Variants in PDXDC1 observed in about 807,000 individuals in gnomAD.
PDXDC1 encodes pyridoxal dependent decarboxylase domain containing 1.
In PDXDC1, 42 loss-of-function variants were observed where a neutral mutation model predicts 100.1. That is an observed-to-expected ratio of 0.42 (90% CI 0.33 to 0.54). The LOEUF (loss-of-function observed/expected upper bound fraction) is 0.54. PDXDC1 is among the 20% of genes least tolerant of loss of function. PDXDC1 has a pLI of 0.10. For missense variants in PDXDC1, 636 were observed against 979.2 expected, an observed-to-expected ratio of 0.65 and a Z score of 4.68; for synonymous variants, 260 against 371.7, an observed-to-expected ratio of 0.70 and a Z score of 3.46.
intron 16 of PDXDC1, chr16:15,061,553 A>G: frequency 2.1e-6 from 1 of 481,562 alleles, no homozygotes; most frequent in Non-Finnish European, 3.7e-6. Context: ...TTTGTCTGTA[A>G]GGGGAACAAC....
chr16:15,009,454 T>C, intron 7 of PDXDC1: 1 of 705,026 alleles, frequency 1.4e-6, no homozygotes, highest in Non-Finnish European at 2.2e-6. Flanking sequence ...TGTTCCTGCA[T>C]ATGTACAGTT....
chr16:15,134,404 G>A, intron 16 of PDXDC1: 2 of 579,906 alleles, frequency 3.4e-6, no homozygotes, highest in Non-Finnish European at 6.2e-6. Context: ...GGAAGGTCTG[G>A]GGGACCCGTG....
chr16:15,133,639 G>C, intron 16 of PDXDC1: 1 of 1,364,240 alleles, frequency 7.3e-7, no homozygotes, highest in Non-Finnish European at 1.0e-6. Flanking sequence ...AGTGGCCCTG[G>C]CGACAGCGCT....
intron 16 of PDXDC1, chr16:15,131,597 C>T (rs1334718628): frequency 5.0e-6 from 8 of 1,603,828 alleles, no homozygotes; most frequent in African/African-American, 1.4e-5. Flanking sequence ...CGCATGAGGG[C>T]AGAGGTCAGG....
intron 16 of PDXDC1, chr16:15,131,341 G>T (rs1436311933): frequency 6.4e-7 from 1 of 1,556,190 alleles, no homozygotes; most frequent in South Asian, 1.1e-5. Context: ...GGTGGAGACG[G>T]TGTAGTTGCT....
At chr16:15,046,742 G>C (rs1004611634) in intron 16 of PDXDC1, among the ~76,000 whole-genome samples, 1 of 148,802 alleles carries the variant, frequency 6.7e-6, no homozygotes, top group Non-Finnish European at 1.5e-5. Context: ...GGGTATGGTG[G>C]TGTACACCTG....
chr16:15,026,556 C>T lies in PDXDC1; in HGVS notation c.1141-87C>T, dbSNP rs2042617553. 6 of 1,093,400 alleles carry T rather than the reference C, an allele frequency of 5.5e-6. No individual in the cohort carries two copies. In the South Asian group the frequency reaches 8.4e-5, roughly 15 times the overall value. The allele number at this position is 1,093,400 out of a possible 1,614,324, so 67.7% of individuals were successfully genotyped here. On this transcript the variant is annotated intron_variant, in intron 13 of 22. Transcript: ENST00000396410. ...GTGTTTATTTACAAATAGAGCATTT[C>T]TAAGCGAGTTTTTGAACTCAGCATT... is the stretch of plus-strand genomic sequence containing the variant.
chr16:15,062,645 T>G (rs1165751486), intron 16 of PDXDC1, among the ~76,000 whole-genome samples: 1 of 152,216 alleles, frequency 6.6e-6, no homozygotes, highest in Non-Finnish European at 1.5e-5. Flanking sequence ...TGGGGCAATT[T>G]CAACATGAGT....
intron 16 of PDXDC1, chr16:15,074,845 G>GTTTCTTCATCTT (rs758247384): frequency 6.2e-7 from 1 of 1,610,316 alleles, no homozygotes; most frequent in South Asian, 1.1e-5. Context: ...TTCATGTTCA[G>GTTTCTTCATCTT]TTTCTTCATC....
chr16:15,042,762 T>A (rs4985152), downstream of PDXDC1, among the ~76,000 whole-genome samples: 44,604 of 149,506 alleles, frequency 0.3, 7,138 homozygotes, highest in Admixed American at 0.44. Flanking sequence ...AGACGAAGTC[T>A]CGCTCTGTCA....
At chr16:15,081,553 A>T (rs994284724) in intron 16 of PDXDC1, among the ~76,000 whole-genome samples, 3 of 152,204 alleles carry the variant, frequency 2.0e-5, no homozygotes, top group Non-Finnish European at 2.9e-5. Context: ...TTATTCAATT[A>T]TAAGAGTTCT....
chr16:15,096,101 G>T (rs184648746), intron 16 of PDXDC1, among the ~76,000 whole-genome samples: 32 of 151,652 alleles, frequency 2.1e-4, no homozygotes, highest in Admixed American at 1.7e-3. Flanking sequence ...CAGCAATTTG[G>T]TTTTTTTGTT....
rs1371679495 is a variant in PDXDC1, at chr16:15,035,494, G to C, written c.2048G>C (p.Gly683Ala). 6.2e-7 allele frequency: 1 copy of C among 1,612,718 alleles called. No individual in the cohort carries two copies. Among genetic ancestry groups the C allele is most frequent in the South Asian group, 1.1e-5 (1 of 90,958 alleles). Residue 683 changes from glycine to alanine, a missense_variant, in exon 22 of 23, where the codon GGT becomes GCT. Gly to Ala is a moderately conservative substitution (Grantham distance 60, BLOSUM62 0). This residue lies in a region of PDXDC1 where 452 missense variants were observed against 402.9 expected (regional missense o/e 1.12). Coordinates refer to ENST00000396410, the MANE Select transcript of PDXDC1 (RefSeq NM_015027.4). The stretch of plus-strand genomic sequence containing the variant: ...CCCATATATGTCTACAAAGCACAAG[G>C]TGCAGGAGTCACGCTGCCTCCAACG... ...TEPIYVYKAQ[G>A]AGVTLPPTPS... is the part of the protein sequence containing the mutation.
chr16:15,083,423 C>G lies in PDXDC1; in HGVS notation c.1399+53367C>G. ...CAAAAAAGAAAAAGAAAAAGAAAGA[C>G]TGGAAAAGAAAGAAAAAGACCTAAT... On this transcript the variant is annotated intron_variant, in intron 16 of 16. Transcript: ENST00000535621. 2.6e-6 allele frequency: 4 copies of G among 1,555,258 alleles called. No individual in the cohort carries two copies. In the South Asian group the frequency reaches 4.8e-5, roughly 19 times the overall value.
rs374087858 is a variant in PDXDC1 at position 15,018,962 on chromosome 16, A to G, written c.1086A>G (p.Gln362=). 24 of 1,603,998 alleles carry G rather than the reference A, an allele frequency of 1.5e-5. No homozygotes were observed. In the East Asian group the frequency reaches 1.8e-4, roughly 12 times the overall value. The change falls in exon 12 of 23, where the codon CAA becomes CAG. Residue 362 remains glutamine, a synonymous_variant. Transcript: ENST00000396410. The part of the protein sequence containing the change: ...GFVERIKHAC[Q]LSQRLQESLK... ...TGGAGAGGATCAAGCATGCCTGTCA[A>G]CTGGTGAGTAGAAGCCTGACATTTA... is the stretch of plus-strand genomic sequence containing the variant.
At chr16:15,018,313 G>C (rs2041944749) in intron 11 of PDXDC1, among the ~76,000 whole-genome samples, 1 of 152,238 alleles carries the variant, frequency 6.6e-6, no homozygotes, top group African/African-American at 2.4e-5. Context: ...TGAGGCTAAT[G>C]TGGGAGGGCT....
At chr16:15,069,365 G>C (rs2045124210) in intron 16 of PDXDC1, among the ~76,000 whole-genome samples, 1 of 152,170 alleles carries the variant, frequency 6.6e-6, no homozygotes. Context: ...TTTAGAGGAA[G>C]TGACCCACAA....
chr16:15,128,140 A>G, intron 16 of PDXDC1: 1 of 1,609,488 alleles, frequency 6.2e-7, no homozygotes, highest in Admixed American at 1.7e-5. Flanking sequence ...TGAGCCCTGC[A>G]GAGGCGCGGG....
chr16:15,032,735 C>G lies in PDXDC1; in HGVS notation c.1572-126C>G, dbSNP rs546148392. 3 of 633,450 alleles carry G rather than the reference C, an allele frequency of 4.7e-6. No homozygotes were observed. The South Asian group carries it at 5.6e-5, about 12-fold the overall frequency. 39.2% of individuals were successfully genotyped at this position (633,450 alleles called of 1,614,324 possible). On this transcript the variant is annotated intron_variant, in intron 17 of 22. Coordinates refer to ENST00000396410, the MANE Select transcript of PDXDC1 (RefSeq NM_015027.4). ...AGAAAGTTTGTGGTCTGGAGACACT[C>G]GCAGTAGCTCTTTTGCCCACTGGTT...
Sources: gnomAD v4.1 joint callset for allele counts (sites outside exome capture counted in the v4.1 genomes callset) on GRCh38, gnomAD v4.1.1 for gene constraint, gnomAD v4.1.1 regional missense constraint, MANE v1.5 for transcripts, NCBI Gene and HGNC (gene_info 2026-07-23, HGNC 2026-07-21) for gene names.